Variants in AK5 observed in about 807,000 individuals in gnomAD.
AK5 encodes adenylate kinase isoenzyme 5.
Under a neutral mutation model 69.5 loss-of-function variants are expected in AK5, and 27 were observed. That is an observed-to-expected ratio of 0.39 (90% CI 0.29 to 0.54). AK5 has a LOEUF of 0.54. Ranked by LOEUF, AK5 falls within the 20% of genes least tolerant of loss-of-function variation. AK5 has a pLI of 0.71. For synonymous variants in AK5, 260 were observed against 244.4 expected, an observed-to-expected ratio of 1.06 and a Z score of -0.60; for missense variants, 531 against 700.4, an observed-to-expected ratio of 0.76 and a Z score of 2.73.
intron 13 of AK5, among the ~76,000 whole-genome samples, chr1:77,545,731 A>G (rs534965368): frequency 1.3e-5 from 2 of 152,302 alleles, no homozygotes; most frequent in Admixed American, 1.3e-4. Context: ...CTCTTTTAGC[A>G]GTGCCCCACC....
intron 6 of AK5, among the ~76,000 whole-genome samples, chr1:77,402,935 C>A (rs1192758624): frequency 2.6e-5 from 4 of 152,172 alleles, no homozygotes; most frequent in Non-Finnish European, 4.4e-5. Context: ...GTTCCTATTT[C>A]TCCACATCCT....
At chr1:77,412,205 G>A (rs1395877799) in intron 7 of AK5, among the ~76,000 whole-genome samples, 6 of 152,090 alleles carry the variant, frequency 3.9e-5, no homozygotes, top group African/African-American at 1.2e-4. Context: ...GCTCCCTAGC[G>A]GTGTTTCTCC....
intron 5 of AK5, among the ~76,000 whole-genome samples, chr1:77,335,377 T>C (rs1303524820): frequency 4.9e-5 from 3 of 61,564 alleles, no homozygotes; most frequent in Non-Finnish European, 1.1e-4. Context: ...ATGCCTCAGT[T>C]TTTTGGGTTT....
intron 10 of AK5, among the ~76,000 whole-genome samples, chr1:77,516,690 A>T (rs1570294405): frequency 6.6e-6 from 1 of 152,028 alleles, no homozygotes; most frequent in African/African-American, 2.4e-5. Flanking sequence ...TGGAGGTGGG[A>T]GTGCCCTCCT....
chr1:77,301,221 A>C (rs1040408154), intron 5 of AK5, among the ~76,000 whole-genome samples: 1 of 152,300 alleles, frequency 6.6e-6, no homozygotes, highest in East Asian at 1.9e-4. Context: ...GGTTCCTCCC[A>C]GGTTTTTCTG....
intron 8 of AK5, among the ~76,000 whole-genome samples, chr1:77,444,407 C>G (rs1278879686): frequency 7.9e-5 from 5 of 63,054 alleles, no homozygotes; most frequent in Admixed American, 7.1e-4. Flanking sequence ...TAAATATATA[C>G]TATATATAGT....
chr1:77,372,415 C>G (rs138301685), intron 6 of AK5, among the ~76,000 whole-genome samples: 1 of 152,106 alleles, frequency 6.6e-6, no homozygotes, highest in Non-Finnish European at 1.5e-5. Flanking sequence ...AATGGAAAAA[C>G]AGTTATTACA....
intron 9 of AK5, among the ~76,000 whole-genome samples, chr1:77,484,093 A>T (rs1045702553): frequency 1.3e-5 from 2 of 151,590 alleles, no homozygotes; most frequent in Non-Finnish European, 2.9e-5. Context: ...TGAACCCAGG[A>T]CGATGAGGTT....
intron 10 of AK5, among the ~76,000 whole-genome samples, chr1:77,506,913 C>T (rs562999744): frequency 1.3e-5 from 2 of 151,994 alleles, no homozygotes; most frequent in Admixed American, 6.5e-5. Context: ...TCAGGAGAAT[C>T]GCTTGAAGCC....
chr1:77,511,812 G>T (rs1044968144), intron 10 of AK5, among the ~76,000 whole-genome samples: 5 of 152,180 alleles, frequency 3.3e-5, no homozygotes, highest in Admixed American at 6.5e-5. Context: ...ATTCAAAGTT[G>T]CTAGAAAGGG....
intron 8 of AK5, among the ~76,000 whole-genome samples, chr1:77,443,141 A>T (rs1652433118): frequency 1.6e-5 from 2 of 125,138 alleles, no homozygotes; most frequent in African/African-American, 5.5e-5. Flanking sequence ...CTCCTAAAGC[A>T]TTAGAGGCTC....
intron 6 of AK5, among the ~76,000 whole-genome samples, chr1:77,404,581 G>T (rs989225402): frequency 3.9e-5 from 6 of 152,032 alleles, no homozygotes; most frequent in Admixed American, 3.9e-4. Flanking sequence ...GCTCTTCAGG[G>T]TTCAGTGCCA....
intron 6 of AK5, among the ~76,000 whole-genome samples, chr1:77,391,334 C>T (rs1648407821): frequency 6.7e-6 from 1 of 149,744 alleles, no homozygotes; most frequent in Non-Finnish European, 1.5e-5. Flanking sequence ...GAGGCATAGG[C>T]ACATCACCCT....
At chr1:77,332,751 A>G (rs897222074) in intron 5 of AK5, among the ~76,000 whole-genome samples, 44 of 152,000 alleles carry the variant, frequency 2.9e-4, no homozygotes, top group African/African-American at 9.6e-4. Context: ...TTTTATGACA[A>G]CTTCTCTGTG....
intron 6 of AK5, among the ~76,000 whole-genome samples, chr1:77,348,860 T>C (rs1422608558): frequency 6.6e-6 from 1 of 152,154 alleles, no homozygotes; most frequent in Non-Finnish European, 1.5e-5. Context: ...TATTCCAGAC[T>C]TCAGAGTTAG....
intron 5 of AK5, among the ~76,000 whole-genome samples, chr1:77,298,722 G>A (rs1217416651): frequency 6.6e-6 from 1 of 151,786 alleles, no homozygotes; most frequent in African/African-American, 2.4e-5. Flanking sequence ...TACTCAGGAG[G>A]CTAAGAGAGA....
chr1:77,529,238 T>C (rs1311627573), intron 12 of AK5, among the ~76,000 whole-genome samples: 1 of 152,104 alleles, frequency 6.6e-6, no homozygotes, highest in South Asian at 2.1e-4. Flanking sequence ...TTTGAGTACT[T>C]ACAATGCGCC....
chr1:77,383,222 A>G (rs1647772941), intron 6 of AK5, among the ~76,000 whole-genome samples: 1 of 152,164 alleles, frequency 6.6e-6, no homozygotes, highest in Non-Finnish European at 1.5e-5. Flanking sequence ...TATTTACTGA[A>G]AATTAAGAGT....
At chr1:77,543,454 A>G in intron 13 of AK5, among the ~76,000 whole-genome samples, 1 of 90,520 alleles carries the variant, frequency 1.1e-5, no homozygotes, top group Admixed American at 1.4e-4. Context: ...TTCACACACA[A>G]ATGACAGTTT....
Sources: gnomAD v4.1 joint callset for allele counts (sites outside exome capture counted in the v4.1 genomes callset) on GRCh38, gnomAD v4.1.1 for gene constraint, MANE v1.5 for transcripts, NCBI Gene and HGNC (gene_info 2026-07-23, HGNC 2026-07-21) for gene names.